The following RGS13 variants were observed in gnomAD, a reference collection of about 807,000 sequenced individuals.
RGS13 encodes regulator of G protein signaling 13, also known as regulator of G-protein signalling 13.
Under a neutral mutation model 19.9 loss-of-function variants are expected in RGS13, and 14 were observed. The observed-to-expected ratio is 0.70, with a 90% CI of 0.46 to 1.10. The LOEUF (loss-of-function observed/expected upper bound fraction) is 1.10. Among genes scored for constraint, RGS13 ranks in the 50% least tolerant of loss-of-function variants. RGS13 has a pLI of 0.00. For missense variants in RGS13, 205 were observed against 187.1 expected, an observed-to-expected ratio of 1.10 and a Z score of -0.56; for synonymous variants, 60 against 56.8, an observed-to-expected ratio of 1.06 and a Z score of -0.25.
At chr1:192,644,190 C>T (rs58541513) in intron 3 of RGS13, 141 bp from the exon 4 acceptor site, 12,368 of 500,008 alleles carry the variant, frequency 0.025, 552 homozygotes, top group East Asian at 0.1. Flanking sequence ...TCCCAACTCC[C>T]CCAGTGACTG....
At position 192,659,484 on chromosome 1, in the gene RGS13, A is replaced by G; in HGVS notation, c.441A>G (p.Gln147=). 1 of 1,612,366 alleles carries G rather than the reference A, an allele frequency of 6.2e-7. No homozygotes were observed. The highest frequency in any genetic ancestry group is 8.5e-7 in the Non-Finnish European group (1 of 1,179,274). ...GATTTCTAAAGTCAGAAATGTACCA[A>G]AAACTTTTGAAAACTATGCAGTCCA... ...YPRFLKSEMY[Q]KLLKTMQSNN... Residue 147 remains glutamine, a synonymous_variant, in exon 7 of 7, where the codon CAA becomes CAG. Transcript: ENST00000391995.
chr1:192,653,197 C>T lies in RGS13; in HGVS notation c.128-5004C>T, dbSNP rs182363563. The stretch of plus-strand genomic sequence containing the variant: ...AAAATTTAAGAAAACACTAGCAATG[C>T]AAAGAAAAAACAGACAAAAGATTTG... On this transcript the variant is annotated intron_variant, in intron 5 of 6. Transcript: ENST00000391995. 3.1e-3 allele frequency among the ~76,000 whole-genome samples: 470 copies of T among 151,502 alleles called. 3 individuals carry two copies. The highest frequency in any genetic ancestry group is 0.011 in the African/African-American group (460 of 41,340).
intron 3 of RGS13, among the ~76,000 whole-genome samples, chr1:192,639,185 T>C (rs1210554724): frequency 2.0e-5 from 3 of 152,092 alleles, no homozygotes; most frequent in Admixed American, 6.6e-5. Context: ...GCTTCACACC[T>C]GGCAAGGGGA....
At chr1:192,637,870 T>G (rs892992431) in intron 2 of RGS13, among the ~76,000 whole-genome samples, 1 of 152,108 alleles carries the variant, frequency 6.6e-6, no homozygotes, top group Non-Finnish European at 1.5e-5. Flanking sequence ...AAAATAAATT[T>G]ATCAATAGGA....
In RGS13 at chr1:192,650,595, G is replaced by A. The variant is rs545185584; in HGVS notation, c.127+2608G>A. ...CAGCCTGGGTCTCAATAGATGAACC[G>A]AAATTGGTTTAGAGACGTTTTAGGG... On this transcript the variant is annotated intron_variant, in intron 5 of 6. Coordinates refer to ENST00000391995, the MANE Select transcript of RGS13 (RefSeq NM_002927.5). Among the ~76,000 whole-genome samples the A allele has an allele frequency of 1.7e-3, 255 of 152,072 alleles. 1 individual carries two copies. Among genetic ancestry groups the A allele is most frequent in the Middle Eastern group, 6.8e-3 (2 of 294 alleles).
At chr1:192,653,852 T>C (rs896290436) in intron 5 of RGS13, among the ~76,000 whole-genome samples, 1 of 151,980 alleles carries the variant, frequency 6.6e-6, no homozygotes, top group Middle Eastern at 3.4e-3. Flanking sequence ...CAGTAGTTAT[T>C]AATTTACTAG....
chr1:192,656,029 A>C (rs1217360599), intron 5 of RGS13, among the ~76,000 whole-genome samples: 2 of 152,136 alleles, frequency 1.3e-5, no homozygotes, highest in Non-Finnish European at 2.9e-5. Flanking sequence ...TCAGGAAGAA[A>C]GTTAAAGAAG....
At chr1:192,643,210 C>G (rs936824420) in intron 3 of RGS13, among the ~76,000 whole-genome samples, 7 of 151,984 alleles carry the variant, frequency 4.6e-5, no homozygotes, top group African/African-American at 1.7e-4. Context: ...AGAGGACAGA[C>G]AAGATGTATA....
intron 5 of RGS13, among the ~76,000 whole-genome samples, chr1:192,651,166 G>A (rs968029850): frequency 1.3e-5 from 2 of 152,076 alleles, no homozygotes; most frequent in Middle Eastern, 3.2e-3. Context: ...CGAAAATAGT[G>A]CATTCTTGTG....
chr1:192,659,924 A>C lies in RGS13; in HGVS notation c.*401A>C. The C allele has an allele frequency of 6.4e-6, 1 of 157,478 alleles. No homozygotes were observed. Among genetic ancestry groups the C allele is most frequent in the Non-Finnish European group, 1.4e-5 (1 of 71,900 alleles). 9.8% of individuals were successfully genotyped at this position (157,478 alleles called of 1,614,324 possible). On this transcript the variant is annotated 3_prime_UTR_variant, in exon 7 of 7. Transcript: ENST00000391995. ...TTCTAGCATGAATGTTCTATAGAGT[A>C]CTCTAAATAACTTGAATTTATAGAC...
At chr1:192,641,862 A>C (rs560885438) in intron 3 of RGS13, among the ~76,000 whole-genome samples, 1 of 152,200 alleles carries the variant, frequency 6.6e-6, no homozygotes, top group African/African-American at 2.4e-5. Flanking sequence ...CTCTCACCTC[A>C]ACTTGTTCTC....
chr1:192,650,078 G>C (rs6428128), intron 5 of RGS13, among the ~76,000 whole-genome samples: 1 of 151,954 alleles, frequency 6.6e-6, no homozygotes, highest in South Asian at 2.1e-4. Flanking sequence ...AAAACACCAA[G>C]CTATATTATG....
chr1:192,644,830 T>C (rs1663187101), intron 4 of RGS13: 1 of 154,996 alleles, frequency 6.5e-6, no homozygotes, highest in Non-Finnish European at 1.4e-5. Context: ...CACTTTTCTA[T>C]AACTCAAAAT....
intron 3 of RGS13, 77 bp from the exon 4 acceptor site, chr1:192,644,254 T>C: frequency 1.9e-6 from 2 of 1,039,546 alleles, no homozygotes; most frequent in South Asian, 3.4e-5. Context: ...TAATATTGTA[T>C]GTTCCTTAGA....
intron 5 of RGS13, among the ~76,000 whole-genome samples, chr1:192,654,013 A>G (rs908039181): frequency 6.6e-6 from 1 of 151,922 alleles, no homozygotes; most frequent in Non-Finnish European, 1.5e-5. Context: ...ATGACGAGTT[A>G]ATGGGTGCAG....
At chr1:192,642,411 C>G (rs1663140978) in intron 3 of RGS13, among the ~76,000 whole-genome samples, 1 of 151,566 alleles carries the variant, frequency 6.6e-6, no homozygotes, top group African/African-American at 2.4e-5. Flanking sequence ...AGCCTCAACC[C>G]CCTGGGCTCA....
At chr1:192,643,605 T>C (rs1475709860) in intron 3 of RGS13, among the ~76,000 whole-genome samples, 3 of 152,168 alleles carry the variant, frequency 2.0e-5, no homozygotes, top group Non-Finnish European at 4.4e-5. Flanking sequence ...CTATTTTACT[T>C]GTCCAGTTAA....
intron 5 of RGS13, among the ~76,000 whole-genome samples, chr1:192,655,944 G>C (rs1271804821): frequency 2.0e-5 from 3 of 151,984 alleles, no homozygotes; most frequent in Non-Finnish European, 2.9e-5. Context: ...CATTAGCAAA[G>C]GACTTTGGTA....
At chr1:192,650,208 T>C (rs920454630) in intron 5 of RGS13, among the ~76,000 whole-genome samples, 5 of 152,210 alleles carry the variant, frequency 3.3e-5, no homozygotes, top group African/African-American at 1.2e-4. Context: ...TCTAGTGTCA[T>C]GAGAATAAGC....
Sources: allele counts gnomAD v4.1 joint callset (sites outside exome capture counted in the v4.1 genomes callset), GRCh38; gene constraint gnomAD v4.1.1; transcripts MANE v1.5; gene names NCBI Gene and HGNC (gene_info 2026-07-23, HGNC 2026-07-21).